CUL3: variants seen among roughly 807,000 people sequenced by gnomAD.
CUL3 encodes cullin 3, also known as cullin-3.
Under a neutral mutation model 89.1 loss-of-function variants are expected in CUL3, and 19 were observed. The ratio of observed to expected loss-of-function variants is 0.21; its 90% CI spans 0.15 to 0.31. CUL3 has a LOEUF of 0.31. Among genes scored for constraint, CUL3 ranks in the 10% least tolerant of loss-of-function variants. CUL3 has a pLI of 1.00. For synonymous variants in CUL3, 351 were observed against 308.4 expected (o/e 1.14, Z -1.45); for missense variants, 469 against 942.3 (o/e 0.50, Z 6.58).
At position 224,513,584 on chromosome 2, in the gene CUL3, T is replaced by A. The variant is rs1373019879; in HGVS notation, c.594A>T (p.Arg198Ser). The change falls in exon 5 of 16, where the codon AGA (arginine) becomes AGT (serine). Residue 198 changes from arginine (R) to serine (S), a missense_variant. Arg to Ser is a moderately radical substitution (Grantham distance 110, BLOSUM62 -1). Coordinates refer to ENST00000264414, the MANE Select transcript of CUL3 (RefSeq NM_003590.5). ...QMLMILGLEG[R>S]SVYEEDFEAP... Reference sequence around the variant, plus strand: ...CCTCAAAATCTTCTTCATAGACTGATCTTCCTTCGAGACCTAAAATCATTA... The same window carrying A: ...CCTCAAAATCTTCTTCATAGACTGAACTTCCTTCGAGACCTAAAATCATTA... The A allele has an allele frequency of 7.5e-6, 12 of 1,604,040 alleles. No homozygotes were observed. The highest frequency in any genetic ancestry group is 1.0e-5 in the Non-Finnish European group (12 of 1,177,668).
chr2:224,528,295 G>A (rs11688416), intron 3 of CUL3, among the ~76,000 whole-genome samples: 2 of 152,016 alleles, frequency 1.3e-5, no homozygotes, highest in Non-Finnish European at 2.9e-5. Context: ...TAGTGCCCCC[G>A]CCTCCATTTT....
At chr2:224,533,320 A>C (rs190179742) in intron 3 of CUL3, among the ~76,000 whole-genome samples, 1 of 152,328 alleles carries the variant, frequency 6.6e-6, no homozygotes, top group East Asian at 1.9e-4. Context: ...AGTGGTTTAC[A>C]TGAATTGTTC....
chr2:224,527,748 C>T (rs2106249065), intron 3 of CUL3, among the ~76,000 whole-genome samples: 1 of 152,274 alleles, frequency 6.6e-6, no homozygotes, highest in South Asian at 2.1e-4. Flanking sequence ...CTCACTAGAT[C>T]TCTAGGTCTG....
At chr2:224,528,249 T>TC in intron 3 of CUL3, among the ~76,000 whole-genome samples, 1 of 152,196 alleles carries the variant, frequency 6.6e-6, no homozygotes, top group Non-Finnish European at 1.5e-5. Context: ...AGCACCCATT[T>TC]CCTTGCTTTT....
In CUL3 at chr2:224,471,091, TCTG is replaced by T. The variant is rs2106125958; in HGVS notation, c.*3151_*3153del. The T allele has an allele frequency of 4.5e-6, 1 of 222,964 alleles. No individual in the cohort carries two copies. The highest frequency in any genetic ancestry group is 2.2e-5 in the African/African-American group (1 of 44,920). 13.8% of individuals were successfully genotyped at this position (222,964 alleles called of 1,614,324 possible). ...TTAAATGTTAACATTTCTAATTATT[TCTG>T]CTTTGAGGACTAGAAATGACTTCTA... On this transcript the variant is annotated 3_prime_UTR_variant, in exon 16 of 16. Coordinates refer to ENST00000264414, the MANE Select transcript of CUL3 (RefSeq NM_003590.5).
chr2:224,560,345 A>C (rs1242814236), intron 1 of CUL3: 1 of 152,162 alleles, frequency 6.6e-6, no homozygotes, highest in African/African-American at 2.4e-5. Context: ...TAAAATTGAT[A>C]CATTCTCTGG....
At chr2:224,565,915 T>C (rs555246577) in intron 1 of CUL3, among the ~76,000 whole-genome samples, 1 of 152,368 alleles carries the variant, frequency 6.6e-6, no homozygotes, top group East Asian at 1.9e-4. Flanking sequence ...ATGGCTTTTA[T>C]GGCTTTTTAA....
intron 13 of CUL3, among the ~76,000 whole-genome samples, chr2:224,487,664 T>C (rs1175558336): frequency 2.6e-5 from 4 of 152,042 alleles, no homozygotes; most frequent in East Asian, 1.9e-4. Flanking sequence ...GGGGGAGACT[T>C]TGATACCCCA....
At chr2:224,560,659 A>C (rs1694873887) in intron 1 of CUL3, 1 of 152,448 alleles carries the variant, frequency 6.6e-6, no homozygotes, top group Non-Finnish European at 1.5e-5. Flanking sequence ...CACCACTTCC[A>C]CTGCTACTAT....
At position 224,514,718 on chromosome 2, in the gene CUL3, T is replaced by G; in HGVS notation, c.433A>C (p.Ile145Leu). ...CGTACAACTTGATCTCGAAAAATAA[T>G]TAATCCCAAATTGTAGACGTTCTCC... ...NVENVYNLGL[I>L]IFRDQVVRYG... Residue 145 changes from isoleucine to leucine, a missense_variant, in exon 4 of 16, where the codon ATT (isoleucine) becomes CTT (leucine). Physicochemically the swap from Ile to Leu is conservative, Grantham distance 5. Coordinates refer to ENST00000264414, the MANE Select transcript of CUL3 (RefSeq NM_003590.5). The G allele has an allele frequency of 6.2e-7, 1 of 1,613,430 alleles. No individual in the cohort carries two copies. The highest frequency in any genetic ancestry group is 8.5e-7 in the Non-Finnish European group (1 of 1,179,476).
chr2:224,527,721 C>T (rs768262103), intron 3 of CUL3, among the ~76,000 whole-genome samples: 1 of 152,142 alleles, frequency 6.6e-6, no homozygotes, highest in African/African-American at 2.4e-5. Flanking sequence ...TACACTTGAA[C>T]GATCCCGTTT....
At chr2:224,506,514 A>G (rs900711881) in intron 7 of CUL3, among the ~76,000 whole-genome samples, 3 of 152,232 alleles carry the variant, frequency 2.0e-5, no homozygotes, top group African/African-American at 7.2e-5. Context: ...TTGAAAACAA[A>G]ACATTTTCAA....
At chr2:224,488,839 G>A (rs1255995608) in intron 13 of CUL3, among the ~76,000 whole-genome samples, 1 of 152,156 alleles carries the variant, frequency 6.6e-6, no homozygotes, top group African/African-American at 2.4e-5. Flanking sequence ...GTATCCCTGA[G>A]GAACATCGAT....
At chr2:224,543,465 T>C (rs1432876630) in intron 2 of CUL3, among the ~76,000 whole-genome samples, 1 of 152,200 alleles carries the variant, frequency 6.6e-6, no homozygotes, top group Non-Finnish European at 1.5e-5. Context: ...TATTTTAACA[T>C]TCACCCAGAA....
intron 3 of CUL3, among the ~76,000 whole-genome samples, chr2:224,530,847 C>A (rs1693672136): frequency 2.0e-5 from 3 of 152,120 alleles, no homozygotes; most frequent in African/African-American, 7.2e-5. Flanking sequence ...GCGGAGGCTG[C>A]AGTGAGCAAA....
intron 8 of CUL3, among the ~76,000 whole-genome samples, chr2:224,505,224 G>A (rs982814112): frequency 2.0e-5 from 3 of 149,074 alleles, no homozygotes; most frequent in Non-Finnish European, 3.0e-5. Context: ...TGCAACCTCC[G>A]CCTCCTGGGT....
At chr2:224,578,138 G>C (rs1464797206) in intron 1 of CUL3, among the ~76,000 whole-genome samples, 1 of 152,098 alleles carries the variant, frequency 6.6e-6, no homozygotes, top group Non-Finnish European at 1.5e-5. Flanking sequence ...GTTACGTGCA[G>C]CCCAATAATT....
chr2:224,556,632 A>C lies in CUL3; in HGVS notation c.264+1027T>G, dbSNP rs557281083. 2.8e-4 allele frequency among the ~76,000 whole-genome samples: 43 copies of C among 152,276 alleles called. 1 individual carries two copies. The highest frequency in any genetic ancestry group is 3.9e-4 in the Admixed American group (6 of 15,298). ...ATAAAGGAAATCACCACTAAACAGG[A>C]CAATTGGTGAAATCTGAATAAGGAA... On this transcript the variant is annotated intron_variant, in intron 2 of 15. Coordinates refer to ENST00000264414, the MANE Select transcript of CUL3 (RefSeq NM_003590.5).
At chr2:224,514,063 T>C (rs1443749821) in intron 4 of CUL3, among the ~76,000 whole-genome samples, 2 of 152,162 alleles carry the variant, frequency 1.3e-5, no homozygotes, top group African/African-American at 4.8e-5. Context: ...AAAAGAACTT[T>C]ACACGTTTTC....
Sources: allele counts gnomAD v4.1 joint callset (sites outside exome capture counted in the v4.1 genomes callset), GRCh38; gene constraint gnomAD v4.1.1; transcripts MANE v1.5; gene names NCBI Gene and HGNC (gene_info 2026-07-23, HGNC 2026-07-21).